The following TNNI1 variants were observed in gnomAD, a reference collection of about 807,000 sequenced individuals.
The protein encoded by TNNI1 is troponin I, slow skeletal muscle.
A neutral mutation model predicts 26.7 loss-of-function variants in TNNI1; 14 were observed. That is an observed-to-expected ratio of 0.52 (90% CI 0.35 to 0.82). The LOEUF (loss-of-function observed/expected upper bound fraction) is 0.82, where lower values mean the gene tolerates loss of function less well. Ranked by LOEUF, TNNI1 falls within the 40% of genes least tolerant of loss-of-function variation. The probability of loss-of-function intolerance (pLI) is 0.01; values close to 1 mark genes in which losing one functional copy is unlikely to be tolerated. For missense variants in TNNI1, 164 were observed against 257.0 expected (o/e 0.64, Z 2.47); for synonymous variants, 79 against 98.2 (o/e 0.80, Z 1.16).
At chr1:201,410,052 A>G (rs887899146) in intron 8 of TNNI1, 8 of 352,504 alleles carry the variant, frequency 2.3e-5, no homozygotes, top group Non-Finnish European at 3.6e-5. Context: ...TGCTGGTCCC[A>G]GGACCACACT....
intron 6 of TNNI1, among the ~76,000 whole-genome samples, chr1:201,412,578 C>T (rs888891965): frequency 7.9e-5 from 12 of 152,212 alleles, no homozygotes; most frequent in Admixed American, 2.6e-4. Context: ...GAGACCAGCA[C>T]TGGTCCCAGG....
Position 201,411,279 on chromosome 1 carries a change from C to A in TNNI1, c.456+78G>T. 6.5e-7 allele frequency: 1 copy of A among 1,537,260 alleles called. No individual in the cohort carries two copies. The highest frequency in any genetic ancestry group is 8.9e-7 in the Non-Finnish European group (1 of 1,123,216). ...TCTCCAACAGGAGCTCCTGGGCCAG[C>A]CTGAGGCCATGTGAGGGGTTGACAA... On this transcript the variant is annotated intron_variant, in intron 7 of 8. Transcript: ENST00000361379. This position sits in a 1 kb window ranked among gnomAD's most constrained non-coding sequence, Gnocchi z 4.6.
chr1:201,414,788 GC>G, intron 4 of TNNI1, 139 bp from the exon 5 acceptor site: 1 of 1,359,958 alleles, frequency 7.4e-7, no homozygotes, highest in Non-Finnish European at 9.9e-7. Flanking sequence ...CCATGGACAG[GC>G]CACCATGAGG....
rs1662556990 is a variant in TNNI1, at chr1:201,408,083, G to A, written c.*1170C>T. 1 of 151,710 alleles carries A rather than the reference G, an allele frequency of 6.6e-6. No homozygotes were observed. Among genetic ancestry groups the A allele is most frequent in the Admixed American group, 6.6e-5 (1 of 15,218 alleles). 9.4% of individuals were successfully genotyped at this position (151,710 alleles called of 1,614,324 possible). A position where few individuals can be genotyped will look rare whatever the true frequency, so the allele number is the denominator to read the frequency against. On this transcript the variant is annotated 3_prime_UTR_variant, in exon 9 of 9. Transcript: ENST00000361379. ...AGGAAAAAGAAAAGTCAGAACTTTG[G>A]TCTCTGCTTCACAGGAGCCACTCTA... is the stretch of plus-strand genomic sequence containing the variant.
rs1229952627 is a variant in TNNI1, at chr1:201,417,765, G to A, written c.11+18C>T. ...GACTTGCCTTCCTGGGGCCCCAGAT[G>A]GCAGTGAGACTACTTACACTTCCGG... On this transcript the variant is annotated intron_variant, in intron 2 of 8. Coordinates refer to ENST00000361379, the MANE Select transcript of TNNI1 (RefSeq NM_003281.4). 2.3e-6 allele frequency: 3 copies of A among 1,313,942 alleles called. No individual in the cohort carries two copies. In the East Asian group the frequency reaches 8.4e-5, roughly 37 times the overall value. The allele number at this position is 1,313,942 out of a possible 1,614,324, so 81.4% of individuals were successfully genotyped here.
At chr1:201,417,327 C>A (rs569870803) in intron 2 of TNNI1, among the ~76,000 whole-genome samples, 1 of 152,078 alleles carries the variant, frequency 6.6e-6, no homozygotes, top group Non-Finnish European at 1.5e-5. Context: ...ATTCAACAGC[C>A]CTTTGAACTA....
chr1:201,412,826 GGA>G (rs773132622), intron 6 of TNNI1, among the ~76,000 whole-genome samples: 14 of 152,234 alleles, frequency 9.2e-5, no homozygotes, highest in Non-Finnish European at 1.2e-4. Context: ...TGGCAGGTAG[GGA>G]GGAAGTTTGT....
In TNNI1 at chr1:201,408,659, T is replaced by C; in HGVS notation, c.*594A>G. ...CTGGTGAGCTGAGCATCCTGGGTGG[T>C]GAGTGTGTGCAGTGTGACGTCACAG... On this transcript the variant is annotated 3_prime_UTR_variant, in exon 9 of 9. Coordinates refer to ENST00000361379, the MANE Select transcript of TNNI1 (RefSeq NM_003281.4). 1 of 152,120 alleles carries C rather than the reference T, an allele frequency of 6.6e-6. No homozygotes were observed. The allele number at this position is 152,120 out of a possible 1,614,324, so 9.4% of individuals were successfully genotyped here. A position where few individuals can be genotyped will look rare whatever the true frequency, so the allele number is the denominator to read the frequency against.
intron 3 of TNNI1, among the ~76,000 whole-genome samples, chr1:201,416,335 T>C (rs879625799): frequency 9.9e-5 from 15 of 152,194 alleles, no homozygotes; most frequent in Non-Finnish European, 2.1e-4. Flanking sequence ...CGATCTTATT[T>C]CCCCACCACT....
At position 201,405,066 on chromosome 1, in the gene TNNI1, G is replaced by A. The variant is rs1241868780; in HGVS notation, c.*4187C>T. 1 of 152,308 alleles carries A rather than the reference G, an allele frequency of 6.6e-6. No individual in the cohort carries two copies. The highest frequency in any genetic ancestry group is 1.5e-5 in the Non-Finnish European group (1 of 68,098). The allele number at this position is 152,308 out of a possible 1,614,324, so 9.4% of individuals were successfully genotyped here. A position where few individuals can be genotyped will look rare whatever the true frequency, so the allele number is the denominator to read the frequency against. On this transcript the variant is annotated 3_prime_UTR_variant, in exon 9 of 9. Transcript: ENST00000361379. ...CTGGAGCCAGTTGGGGTGCTGAGTTGAGGCCAGAGATGGGCAGCCTGTTCA... is the reference window on the plus strand; with the variant it reads ...CTGGAGCCAGTTGGGGTGCTGAGTTAAGGCCAGAGATGGGCAGCCTGTTCA...
intron 3 of TNNI1, among the ~76,000 whole-genome samples, chr1:201,416,884 A>G (rs1053303869): frequency 6.6e-6 from 1 of 152,146 alleles, no homozygotes; most frequent in African/African-American, 2.4e-5. Flanking sequence ...TTCCAGTGAC[A>G]TGGTACACTG....
chr1:201,421,394 G>T (rs971228825), intron 1 of TNNI1, among the ~76,000 whole-genome samples: 1 of 152,130 alleles, frequency 6.6e-6, no homozygotes, highest in Non-Finnish European at 1.5e-5. Flanking sequence ...TCTGCCCTGG[G>T]GCTCCTAAGG....
At position 201,410,393 on chromosome 1, in the gene TNNI1, C is replaced by T. The variant is rs1285573004; in HGVS notation, c.499G>A (p.Ala167Thr). The change falls in exon 8 of 9, where the codon GCC becomes ACC. Residue 167 changes from alanine to threonine, a missense_variant. Ala to Thr is a moderately conservative substitution (Grantham distance 58, BLOSUM62 0). Around this residue, in one of 3 missense-constraint regions of TNNI1, gnomAD observed 43 missense variants for 74.3 expected, o/e 0.58. Transcript: ENST00000361379. ...TTCCGGCCTTCCATGCCAGACATGGCCTCCACGTTCTTCCTCCAGTCACCC... is the reference window on the plus strand; with the variant it reads ...TTCCGGCCTTCCATGCCAGACATGGTCTCCACGTTCTTCCTCCAGTCACCC... ...EVGDWRKNVE[A>T]MSGMEGRKKM... is the part of the protein sequence containing the mutation. The T allele has an allele frequency of 3.1e-6, 5 of 1,614,206 alleles. No individual in the cohort carries two copies. Among genetic ancestry groups the T allele is most frequent in the Non-Finnish European group, 4.2e-6 (5 of 1,180,032 alleles).
At position 201,411,529 on chromosome 1, in the gene TNNI1, T is replaced by C; in HGVS notation, c.284A>G (p.Lys95Arg). ...GTCCATCACCTTCAGCTTCAGGTCC[T>C]TAATCTGTAGGTGAGAAGCGCCCGG... ...AKCLHNTREIKDLKLKVMDLR... is the reference protein window; with the variant it reads ...AKCLHNTREIRDLKLKVMDLR... Residue 95 changes from lysine (K) to arginine (R), a missense_variant, in exon 7 of 9, where the codon AAG (lysine) becomes AGG (arginine). Lys to Arg is a conservative substitution (Grantham distance 26, BLOSUM62 2). Coordinates refer to ENST00000361379, the MANE Select transcript of TNNI1 (RefSeq NM_003281.4). This position sits in a 1 kb window ranked among gnomAD's most constrained non-coding sequence, Gnocchi z 4.6. 6.3e-7 allele frequency: 1 copy of C among 1,593,966 alleles called. No individual in the cohort carries two copies. The highest frequency in any genetic ancestry group is 8.5e-7 in the Non-Finnish European group (1 of 1,171,788).
intron 5 of TNNI1, among the ~76,000 whole-genome samples, chr1:201,413,707 T>G (rs1662682140): frequency 6.6e-6 from 1 of 152,008 alleles, no homozygotes; most frequent in Non-Finnish European, 1.5e-5. Context: ...ATCACGCCAC[T>G]GCACTCCAGC....
chr1:201,407,090 A>G lies in TNNI1; in HGVS notation c.*2163T>C, dbSNP rs1014176591. 15 of 152,248 alleles carry G rather than the reference A, an allele frequency of 9.9e-5. No homozygotes were observed. The highest frequency in any genetic ancestry group is 3.6e-4 in the African/African-American group (15 of 41,446). The allele number at this position is 152,248 out of a possible 1,614,324, so 9.4% of individuals were successfully genotyped here. Reference sequence around the variant, plus strand: ...CCCCAGGTTAATAGTTGACTGCAAAACTGGGATTTGACTCTGGAACTTGGG... The same window carrying G: ...CCCCAGGTTAATAGTTGACTGCAAAGCTGGGATTTGACTCTGGAACTTGGG... On this transcript the variant is annotated 3_prime_UTR_variant, in exon 9 of 9. Coordinates refer to ENST00000361379, the MANE Select transcript of TNNI1 (RefSeq NM_003281.4).
rs559572779 is a variant in TNNI1, at chr1:201,410,724, C to A, written c.457-289G>T. On this transcript the variant is annotated intron_variant, in intron 7 of 8. Transcript: ENST00000361379. Reference sequence around the variant, plus strand: ...CAAAACCTCCTCCAAGGCTCCATGCCACCCTCCTGGTCTGGCACTCAGCAG... The same window carrying A: ...CAAAACCTCCTCCAAGGCTCCATGCAACCCTCCTGGTCTGGCACTCAGCAG... 2.6e-5 allele frequency among the ~76,000 whole-genome samples: 4 copies of A among 152,332 alleles called. No homozygotes were observed. The South Asian group carries it at 8.3e-4, about 32-fold the overall frequency.
chr1:201,413,631 G>A (rs1662681388), intron 5 of TNNI1, among the ~76,000 whole-genome samples: 1 of 151,680 alleles, frequency 6.6e-6, no homozygotes. Context: ...TGTAGTCCTA[G>A]CTACTTAGTA....
chr1:201,411,252 G>C lies in TNNI1; in HGVS notation c.456+105C>G, dbSNP rs1662630582. ...GAATGTTCTGTCTGTCAAGCTGACT[G>C]GTCTCCAACAGGAGCTCCTGGGCCA... is the stretch of plus-strand genomic sequence containing the variant. On this transcript the variant is annotated intron_variant, in intron 7 of 8. Transcript: ENST00000361379. This position sits in a 1 kb window ranked among gnomAD's most constrained non-coding sequence, Gnocchi z 4.6. The C allele has an allele frequency of 8.5e-7, 1 of 1,179,180 alleles. No homozygotes were observed. The highest frequency in any genetic ancestry group is 1.2e-6 in the Non-Finnish European group (1 of 817,970). 73.0% of individuals were successfully genotyped at this position (1,179,180 alleles called of 1,614,324 possible).
Sources: allele counts gnomAD v4.1 joint callset (sites outside exome capture counted in the v4.1 genomes callset), GRCh38; gene constraint gnomAD v4.1.1; regional missense constraint gnomAD v4.1.1; non-coding constraint Gnocchi (gnomAD v3.1); transcripts MANE v1.5; gene names NCBI Gene and HGNC (gene_info 2026-07-23, HGNC 2026-07-21).